FUT8: variants seen among roughly 807,000 people sequenced by gnomAD.
The protein encoded by FUT8 is fucosyltransferase 8.
Under a neutral mutation model 71.3 loss-of-function variants are expected in FUT8, and 29 were observed. The observed-to-expected ratio is 0.41, with a 90% CI of 0.30 to 0.55. FUT8 has a LOEUF of 0.55. Among genes scored for constraint, FUT8 ranks in the 20% least tolerant of loss-of-function variants. The probability of loss-of-function intolerance (pLI) is 0.34; values close to 1 mark genes in which losing one functional copy is unlikely to be tolerated. For missense variants in FUT8, 544 were observed against 702.1 expected (o/e 0.77, Z 2.55); for synonymous variants, 254 against 239.3 (o/e 1.06, Z -0.57).
At chr14:65,477,088 AT>A (rs957971439) in intron 2 of FUT8, among the ~76,000 whole-genome samples, 5 of 152,120 alleles carry the variant, frequency 3.3e-5, no homozygotes, top group African/African-American at 9.7e-5. Context: ...GTGGACAGTT[AT>A]GGCCATCAGG....
chr14:65,668,258 A>C (rs914144923), intron 6 of FUT8, among the ~76,000 whole-genome samples: 28 of 152,220 alleles, frequency 1.8e-4, no homozygotes, highest in African/African-American at 6.5e-4. Context: ...CAGCAAAAGC[A>C]ATTATCAACA....
intron 5 of FUT8, among the ~76,000 whole-genome samples, chr14:65,629,072 G>C (rs1054476820): frequency 6.6e-6 from 1 of 152,160 alleles, no homozygotes; most frequent in African/African-American, 2.4e-5. Flanking sequence ...CACTCAGAGT[G>C]TTTAAATATG....
chr14:65,544,395 G>T (rs904894547), intron 2 of FUT8, among the ~76,000 whole-genome samples: 2 of 152,008 alleles, frequency 1.3e-5, no homozygotes, highest in Non-Finnish European at 2.9e-5. Context: ...TGAAATGGTT[G>T]CTCTTTCTAA....
At chr14:65,441,894 A>G (rs957824630) in intron 1 of FUT8, among the ~76,000 whole-genome samples, 1 of 151,266 alleles carries the variant, frequency 6.6e-6, no homozygotes, top group Non-Finnish European at 1.5e-5. Flanking sequence ...GGTGTGCTAC[A>G]CTCATTAACT....
At chr14:65,527,923 G>A (rs1359189020) in intron 2 of FUT8, among the ~76,000 whole-genome samples, 1 of 152,174 alleles carries the variant, frequency 6.6e-6, no homozygotes, top group Non-Finnish European at 1.5e-5. Flanking sequence ...TCATCTCAGA[G>A]GGGTACACGG....
chr14:65,612,854 T>C (rs1889071510), intron 3 of FUT8, among the ~76,000 whole-genome samples: 1 of 152,224 alleles, frequency 6.6e-6, no homozygotes, highest in Admixed American at 6.5e-5. Context: ...GGATGGTAAA[T>C]GTCTTGGCTA....
At chr14:65,654,504 T>C (rs993842291) in intron 6 of FUT8, among the ~76,000 whole-genome samples, 1 of 151,952 alleles carries the variant, frequency 6.6e-6, no homozygotes, top group African/African-American at 2.4e-5. Context: ...AGGAGAAGTG[T>C]TGCTTGAACC....
In FUT8 at chr14:65,674,376, G is replaced by C. The variant is rs913934524; in HGVS notation, c.835+4896G>C. ...AACTTAGCTTCTGAACCTCAGTTTA[G>C]CTCTTTAAAAAACTCATGATACTCA... On this transcript the variant is annotated intron_variant, in intron 7 of 10. Coordinates refer to ENST00000673929, the MANE Select transcript of FUT8 (RefSeq NM_001371533.1). Among the ~76,000 whole-genome samples, 20 of 152,038 alleles carry C rather than the reference G, an allele frequency of 1.3e-4. 1 individual carries two copies. Among genetic ancestry groups the C allele is most frequent in the African/African-American group, 2.4e-5 (1 of 41,408 alleles).
At chr14:65,599,679 G>T (rs777993254) in intron 3 of FUT8, among the ~76,000 whole-genome samples, 1 of 152,166 alleles carries the variant, frequency 6.6e-6, no homozygotes, top group Non-Finnish European at 1.5e-5. Context: ...TTTGTCCTAA[G>T]TGTTCTGCTT....
At chr14:65,686,684 T>C (rs1594896503) in intron 7 of FUT8, among the ~76,000 whole-genome samples, 1 of 152,314 alleles carries the variant, frequency 6.6e-6, no homozygotes, top group South Asian at 2.1e-4. Context: ...ATTTAAGTCT[T>C]AAAAGTTCAT....
At chr14:65,439,857 A>C in intron 1 of FUT8, among the ~76,000 whole-genome samples, 1 of 150,576 alleles carries the variant, frequency 6.6e-6, no homozygotes, top group South Asian at 2.1e-4. Flanking sequence ...CTTATCTCTT[A>C]TGTTTGTTAA....
chr14:65,582,134 ATGAGT>A (rs1887126990), intron 3 of FUT8, among the ~76,000 whole-genome samples: 2 of 152,146 alleles, frequency 1.3e-5, no homozygotes, highest in East Asian at 1.9e-4. Flanking sequence ...GTGTCACATG[ATGAGT>A]TGAGCTAGCA....
At position 65,500,293 on chromosome 14, in the gene FUT8, C is replaced by T. The variant is rs992632796; in HGVS notation, c.-228+44575C>T. On this transcript the variant is annotated intron_variant, in intron 2 of 10. Coordinates refer to ENST00000673929, the MANE Select transcript of FUT8 (RefSeq NM_001371533.1). ...TGTTCTTTATGCCTTGGCTCTGTGT[C>T]ATACCAGTTAAATTAGAGCTTTGCC... Among the ~76,000 whole-genome samples the T allele has an allele frequency of 7.9e-5, 12 of 152,170 alleles. No homozygotes were observed. The East Asian group carries it at 2.3e-3, about 29-fold the overall frequency.
chr14:65,527,048 T>C (rs549241152), intron 2 of FUT8, among the ~76,000 whole-genome samples: 143 of 152,326 alleles, frequency 9.4e-4, no homozygotes, highest in East Asian at 3.9e-4. Context: ...GTCTTGGAGT[T>C]GCTCTTCTCA....
At chr14:65,403,096 T>C in the FUT8 span, among the ~76,000 whole-genome samples, 3 of 152,216 alleles carry the variant, frequency 2.0e-5, no homozygotes, top group Non-Finnish European at 4.4e-5. Context: ...ATCAGATAAT[T>C]ATAGGGTCTG....
At chr14:65,380,756 A>G in the FUT8 span, among the ~76,000 whole-genome samples, 1 of 152,206 alleles carries the variant, frequency 6.6e-6, no homozygotes, top group Non-Finnish European at 1.5e-5. Flanking sequence ...TTGGATGTCA[A>G]TGAAGGAAAT....
intron 2 of FUT8, among the ~76,000 whole-genome samples, chr14:65,512,357 G>A (rs1882403983): frequency 6.6e-6 from 1 of 152,070 alleles, no homozygotes; most frequent in African/African-American, 2.4e-5. Context: ...GTAGAGACGA[G>A]GTTTCACCAT....
At chr14:65,439,954 G>GTATACGTGTATATATA (rs1555360999) in intron 1 of FUT8, among the ~76,000 whole-genome samples, 1 of 74,984 alleles carries the variant, frequency 1.3e-5, no homozygotes, top group Non-Finnish European at 2.5e-5. Context: ...GTGTGTGTGT[G>GTATACGTGTATATATA]TATATATATA....
chr14:65,683,091 G>T (rs1196495665), intron 7 of FUT8, among the ~76,000 whole-genome samples: 1 of 149,342 alleles, frequency 6.7e-6, no homozygotes, highest in African/African-American at 2.5e-5. Context: ...TCGGCTCACT[G>T]CAACCTCCAC....
Sources: allele counts gnomAD v4.1 joint callset (sites outside exome capture counted in the v4.1 genomes callset), GRCh38; gene constraint gnomAD v4.1.1; transcripts MANE v1.5; gene names NCBI Gene and HGNC (gene_info 2026-07-23, HGNC 2026-07-21).